Variants in FBXL2 observed in about 807,000 individuals in gnomAD.
The protein encoded by FBXL2 is F-box and leucine rich repeat protein 2.
A neutral mutation model predicts 69.2 loss-of-function variants in FBXL2; 38 were observed. The ratio of observed to expected loss-of-function variants is 0.55; its 90% confidence interval spans 0.42 to 0.72. FBXL2 has a LOEUF of 0.72. Among genes scored for constraint, FBXL2 ranks in the 30% least tolerant of loss-of-function variants. The pLI is 0.00. For missense variants in FBXL2, 354 were observed against 520.3 expected (o/e 0.68, Z 3.11); for synonymous variants, 192 against 201.3 (o/e 0.95, Z 0.39).
intron 1 of FBXL2, among the ~76,000 whole-genome samples, chr3:33,281,497 G>A (rs2034001267): frequency 2.6e-5 from 4 of 152,102 alleles, no homozygotes; most frequent in African/African-American, 7.2e-5. Flanking sequence ...TAGTGCCGCG[G>A]TAAACATACG....
the FBXL2 span, chr3:33,409,161 G>A: frequency 6.1e-5 from 85 of 1,398,886 alleles, no homozygotes; most frequent in South Asian, 1.0e-3. Flanking sequence ...CCCTTTTGTA[G>A]CAGAACTCAT....
intron 2 of FBXL2, among the ~76,000 whole-genome samples, chr3:33,311,011 A>G (rs1401746524): frequency 6.6e-6 from 1 of 152,100 alleles, no homozygotes; most frequent in African/African-American, 2.4e-5. Context: ...TCCTGACCTC[A>G]AGTGATCCAC....
intron 12 of FBXL2, 89 bp from the exon 13 acceptor site, chr3:33,378,596 A>G (rs1575403462): frequency 7.6e-7 from 1 of 1,316,196 alleles, no homozygotes; most frequent in Admixed American, 2.2e-5. Context: ...ATTCTTTTAC[A>G]CCTTTTGATT....
chr3:33,403,735 A>T (rs1222729631), downstream of FBXL2: 1 of 152,254 alleles, frequency 6.6e-6, no homozygotes, highest in Non-Finnish European at 1.5e-5. Flanking sequence ...GGAGGTTGAA[A>T]AAGTCAGTCA....
At chr3:33,283,675 T>C (rs1221744790) in intron 1 of FBXL2, among the ~76,000 whole-genome samples, 1 of 152,200 alleles carries the variant, frequency 6.6e-6, no homozygotes, top group African/African-American at 2.4e-5. Flanking sequence ...ATCTGTCTGG[T>C]CCTGGACTTT....
At chr3:33,293,047 GGTCT>G (rs1283729734) in intron 1 of FBXL2, among the ~76,000 whole-genome samples, 1 of 152,166 alleles carries the variant, frequency 6.6e-6, no homozygotes, top group Non-Finnish European at 1.5e-5. Flanking sequence ...TAGTGATGGA[GGTCT>G]GTCTATGTTG....
At chr3:33,384,577 T>C (rs916858451) in intron 14 of FBXL2, among the ~76,000 whole-genome samples, 10 of 152,032 alleles carry the variant, frequency 6.6e-5, no homozygotes, top group African/African-American at 2.4e-4. Context: ...AATCGATCAA[T>C]CAACACTCAT....
exon 13 of FBXL2, chr3:33,403,289 T>TA (rs560444038): frequency 1.3e-3 from 316 of 245,968 alleles, no homozygotes; most frequent in Admixed American, 3.3e-3. Context: ...AAAGGATTTA[T>TA]AAGCAACATC....
chr3:33,358,703 G>A (rs1445400023), intron 2 of FBXL2, among the ~76,000 whole-genome samples: 2 of 152,172 alleles, frequency 1.3e-5, no homozygotes, highest in Non-Finnish European at 2.9e-5. Flanking sequence ...TCTTTCCTGT[G>A]TCCATTACTT....
At chr3:33,412,922 AAC>A in the FBXL2 span, 1 of 773,494 alleles carries the variant, frequency 1.3e-6, no homozygotes. Context: ...GTAGCAGTAG[AAC>A]ACATACAACT....
At chr3:33,297,326 C>G (rs1046025298) in intron 1 of FBXL2, among the ~76,000 whole-genome samples, 1 of 152,102 alleles carries the variant, frequency 6.6e-6, no homozygotes, top group East Asian at 1.9e-4. Context: ...TTAGAATTTT[C>G]TATATGCAAG....
At chr3:33,277,364 C>G, upstream of FBXL2, 1 of 841,946 alleles carries the variant, frequency 1.2e-6, no homozygotes, top group Non-Finnish European at 1.6e-6. Flanking sequence ...GGCACCGCCC[C>G]TGCGGGTCAC....
At chr3:33,341,192 C>A (rs773876885) in intron 2 of FBXL2, among the ~76,000 whole-genome samples, 2 of 152,074 alleles carry the variant, frequency 1.3e-5, no homozygotes, top group African/African-American at 2.4e-5. Context: ...AAAGTCAAAC[C>A]TGAAATTGAT....
At chr3:33,417,021 A>G in the FBXL2 span, among the ~76,000 whole-genome samples, 1 of 152,204 alleles carries the variant, frequency 6.6e-6, no homozygotes, top group African/African-American at 2.4e-5. Context: ...TTCTAACATT[A>G]TTACAGGAGA....
At chr3:33,402,904 A>C (rs985266546) in intron 12 of FBXL2, 1 of 1,605,586 alleles carries the variant, frequency 6.2e-7, no homozygotes, top group Admixed American at 1.7e-5. Context: ...CACGGAGAAC[A>C]CTAAGGACAG....
the FBXL2 span, chr3:33,416,867 C>A: frequency 6.5e-7 from 1 of 1,540,646 alleles, no homozygotes; most frequent in South Asian, 1.1e-5. Context: ...AAAAACAATC[C>A]TTATAAAGAA....
chr3:33,308,026 G>GT (rs1056561622), intron 2 of FBXL2, among the ~76,000 whole-genome samples: 71 of 151,690 alleles, frequency 4.7e-4, no homozygotes, highest in African/African-American at 1.7e-3. Context: ...TTTGTTTTTA[G>GT]TTTTTTGTTG....
chr3:33,338,706 G>C (rs1486927685), intron 2 of FBXL2, among the ~76,000 whole-genome samples: 3 of 152,170 alleles, frequency 2.0e-5, no homozygotes, highest in Non-Finnish European at 2.9e-5. Flanking sequence ...AATGGTGCTG[G>C]GATAACTGGC....
chr3:33,410,301 C>G, the FBXL2 span, among the ~76,000 whole-genome samples: 1 of 152,360 alleles, frequency 6.6e-6, no homozygotes, highest in South Asian at 2.1e-4. Context: ...GACTGCTGCA[C>G]ATCCCCCTCT....
Sources: allele counts gnomAD v4.1 joint callset (sites outside exome capture counted in the v4.1 genomes callset), GRCh38; gene constraint gnomAD v4.1.1; transcripts MANE v1.5; gene names NCBI Gene and HGNC (gene_info 2026-07-23, HGNC 2026-07-21).